Variants in HS3ST3B1 observed in about 807,000 individuals in gnomAD.
HS3ST3B1 encodes the protein heparan sulfate glucosamine 3-O-sulfotransferase 3B1.
Under a neutral mutation model 21.3 loss-of-function variants are expected in HS3ST3B1, and 13 were observed. That is an observed-to-expected ratio of 0.61 (90% confidence interval 0.40 to 0.97). The LOEUF is 0.97. Ranked by LOEUF, HS3ST3B1 falls within the 50% of genes least tolerant of loss-of-function variation. The pLI is 0.00. For synonymous variants in HS3ST3B1, 234 were observed against 254.8 expected (o/e 0.92, Z 0.78); for missense variants, 459 against 554.8 (o/e 0.83, Z 1.73).
intron 1 of HS3ST3B1, among the ~76,000 whole-genome samples, chr17:14,306,430 T>C (rs1163117422): frequency 2.0e-5 from 3 of 152,242 alleles, no homozygotes; most frequent in Non-Finnish European, 4.4e-5. Context: ...CAGAACTTCT[T>C]GGAATTAATT....
At chr17:14,306,280 G>C (rs982844897) in intron 1 of HS3ST3B1, among the ~76,000 whole-genome samples, 3 of 152,196 alleles carry the variant, frequency 2.0e-5, no homozygotes, top group Non-Finnish European at 2.9e-5. Context: ...TTAGAATCAA[G>C]GGAGTCACTG....
intron 1 of HS3ST3B1, among the ~76,000 whole-genome samples, chr17:14,344,293 G>A (rs1910483767): frequency 6.6e-6 from 1 of 152,130 alleles, no homozygotes; most frequent in Non-Finnish European, 1.5e-5. Context: ...TTGTTACATA[G>A]GTATATTGCA....
At chr17:14,332,135 CTG>C (rs1266054645) in intron 1 of HS3ST3B1, among the ~76,000 whole-genome samples, 1 of 152,110 alleles carries the variant, frequency 6.6e-6, no homozygotes, top group Admixed American at 6.5e-5. Context: ...AGAGGAGAGA[CTG>C]TAACCTTTGT....
intron 1 of HS3ST3B1, among the ~76,000 whole-genome samples, chr17:14,339,917 C>T (rs1910317574): frequency 6.6e-6 from 1 of 152,092 alleles, no homozygotes; most frequent in Non-Finnish European, 1.5e-5. Context: ...AGAGTGAGGG[C>T]AGGAAAGTGT....
intron 1 of HS3ST3B1, among the ~76,000 whole-genome samples, chr17:14,313,590 G>A (rs2142329930): frequency 6.6e-6 from 1 of 151,940 alleles, no homozygotes; most frequent in Non-Finnish European, 1.5e-5. Context: ...TTTTTTTTGA[G>A]ACGAAGTTTC....
chr17:14,336,839 C>T (rs1033553956), intron 1 of HS3ST3B1, among the ~76,000 whole-genome samples: 1 of 151,966 alleles, frequency 6.6e-6, no homozygotes, highest in Non-Finnish European at 1.5e-5. Context: ...TCCTTCCTTC[C>T]ATCCTTTCTT....
At position 14,347,015 on chromosome 17, in the gene HS3ST3B1, A is replaced by C. The variant is rs1910600979; in HGVS notation, c.*1369A>C. 1 of 152,288 alleles carries C rather than the reference A, an allele frequency of 6.6e-6. No individual in the cohort carries two copies. Among genetic ancestry groups the C allele is most frequent in the Admixed American group, 6.5e-5 (1 of 15,282 alleles). The allele number at this position is 152,288 out of a possible 1,614,324, so 9.4% of individuals were successfully genotyped here. The stretch of plus-strand genomic sequence containing the variant: ...AAATGACAGGCAGCCTGACAGAGGA[A>C]GGAGTCTGACACCTCAGCTTGATGC... On this transcript the variant is annotated 3_prime_UTR_variant, in exon 2 of 2. Coordinates refer to ENST00000360954, the MANE Select transcript of HS3ST3B1 (RefSeq NM_006041.3).
intron 1 of HS3ST3B1, among the ~76,000 whole-genome samples, chr17:14,313,423 C>T (rs1387382419): frequency 6.6e-6 from 1 of 152,036 alleles, no homozygotes; most frequent in Non-Finnish European, 1.5e-5. Context: ...TGCAGGACCT[C>T]CTCTTGCTCG....
At chr17:14,329,372 A>AAGGAAGGAAGGAAGGAAGGAG (rs1567641292) in intron 1 of HS3ST3B1, 2 of 83,552 alleles carry the variant, frequency 2.4e-5, no homozygotes, top group African/African-American at 8.3e-5. Context: ...AAAGAAAAGG[A>AAGGAAGGAAGGAAGGAAGGAG]AGGAAGGAAG....
chr17:14,345,695 G>A lies in HS3ST3B1; in HGVS notation c.*49G>A, dbSNP rs559784701. On this transcript the variant is annotated 3_prime_UTR_variant, in exon 2 of 2. Coordinates refer to ENST00000360954, the MANE Select transcript of HS3ST3B1 (RefSeq NM_006041.3). Reference sequence around the variant, plus strand: ...CCCACGTGGCTTATCTATTGACAGAGATTATATGTATGTAAAATGTACAGA... The same window carrying A: ...CCCACGTGGCTTATCTATTGACAGAAATTATATGTATGTAAAATGTACAGA... 106 of 1,559,254 alleles carry A rather than the reference G, an allele frequency of 6.8e-5. No individual in the cohort carries two copies. In the South Asian group the frequency reaches 1.2e-3, roughly 17 times the overall value.
intron 1 of HS3ST3B1, among the ~76,000 whole-genome samples, chr17:14,306,409 A>G (rs1046140253): frequency 1.3e-5 from 2 of 152,232 alleles, no homozygotes; most frequent in African/African-American, 4.8e-5. Context: ...GTGAGGTTAA[A>G]TGACACGTTC....
At position 14,301,704 on chromosome 17, in the gene HS3ST3B1, G is replaced by T; in HGVS notation, c.186G>T (p.Leu62=). 6.2e-7 allele frequency: 1 copy of T among 1,602,348 alleles called. No individual in the cohort carries two copies. The highest frequency in any genetic ancestry group is 1.1e-5 in the South Asian group (1 of 90,276). Residue 62 remains leucine, a synonymous_variant, in exon 1 of 2, where the codon CTG becomes CTT. Transcript: ENST00000360954. The part of the protein sequence containing the change: ...AGSCAAAPGL[L]LLGSGSRAAH... ...CCTGCGCCGCCGCGCCGGGGCTGCTGCTCCTGGGCTCTGGGTCCCGCGCCG... is the reference window on the plus strand; with the variant it reads ...CCTGCGCCGCCGCGCCGGGGCTGCTTCTCCTGGGCTCTGGGTCCCGCGCCG...
chr17:14,316,649 G>A (rs1909509789), intron 1 of HS3ST3B1, among the ~76,000 whole-genome samples: 1 of 152,116 alleles, frequency 6.6e-6, no homozygotes, highest in South Asian at 2.1e-4. Context: ...TAAATAACGT[G>A]AGTGCCACAT....
At chr17:14,344,530 C>G (rs1910492111) in intron 1 of HS3ST3B1, among the ~76,000 whole-genome samples, 1 of 152,142 alleles carries the variant, frequency 6.6e-6, no homozygotes, top group South Asian at 2.1e-4. Flanking sequence ...GCCGGAACAA[C>G]TGGGCGGGAC....
At chr17:14,340,267 C>T (rs1910331566) in intron 1 of HS3ST3B1, among the ~76,000 whole-genome samples, 1 of 152,144 alleles carries the variant, frequency 6.6e-6, no homozygotes, top group Non-Finnish European at 1.5e-5. Flanking sequence ...CCCTTGATAT[C>T]TTATCAGGTT....
intron 1 of HS3ST3B1, chr17:14,329,615 A>G (rs975580028): frequency 1.3e-5 from 2 of 152,228 alleles, no homozygotes; most frequent in African/African-American, 2.4e-5. Context: ...CTAATTTCCC[A>G]TTCCTCCTTG....
At chr17:14,313,055 C>T (rs1461735206) in intron 1 of HS3ST3B1, among the ~76,000 whole-genome samples, 2 of 132,902 alleles carry the variant, frequency 1.5e-5, no homozygotes, top group Non-Finnish European at 3.2e-5. Flanking sequence ...CAGACGCCCA[C>T]CACACCACAC....
At chr17:14,332,982 C>T (rs1029252864) in intron 1 of HS3ST3B1, among the ~76,000 whole-genome samples, 1 of 151,848 alleles carries the variant, frequency 6.6e-6, no homozygotes, top group Non-Finnish European at 1.5e-5. Context: ...CGCATGCTCC[C>T]TGCTCCCCAG....
intron 1 of HS3ST3B1, among the ~76,000 whole-genome samples, chr17:14,334,792 A>AC (rs1300057775): frequency 2.0e-5 from 3 of 151,794 alleles, no homozygotes; most frequent in African/African-American, 7.3e-5. Flanking sequence ...CCCTCACCCA[A>AC]CCCCCAGGAT....
Sources: allele counts gnomAD v4.1 joint callset (sites outside exome capture counted in the v4.1 genomes callset), GRCh38; gene constraint gnomAD v4.1.1; transcripts MANE v1.5; gene names NCBI Gene and HGNC (gene_info 2026-07-23, HGNC 2026-07-21).